CPPED1: variants seen among roughly 807,000 people sequenced by gnomAD.
The protein encoded by CPPED1 is serine/threonine-protein phosphatase CPPED1.
Under a neutral mutation model 28.0 loss-of-function variants are expected in CPPED1, and 28 were observed. The observed-to-expected ratio is 1.00, with a 90% CI of 0.74 to 1.37. The LOEUF is 1.37. CPPED1 is among the 40% of genes most tolerant of loss of function. The pLI is 0.00. For missense variants in CPPED1, 504 were observed against 416.5 expected, an observed-to-expected ratio of 1.21 and a Z score of -1.83; for synonymous variants, 198 against 180.2, an observed-to-expected ratio of 1.10 and a Z score of -0.79.
At chr16:12,728,837 C>T (rs916686001) in intron 2 of CPPED1, among the ~76,000 whole-genome samples, 6 of 152,180 alleles carry the variant, frequency 3.9e-5, no homozygotes, top group African/African-American at 7.2e-5. Flanking sequence ...CCCAGGAGTT[C>T]GAGCCCAGCT....
chr16:12,802,784 C>A (rs1412136698), intron 1 of CPPED1, among the ~76,000 whole-genome samples: 1 of 152,200 alleles, frequency 6.6e-6, no homozygotes, highest in Non-Finnish European at 1.5e-5. Context: ...AGGGAAAGAA[C>A]GGCCTTGGCC....
rs532605890 is a variant in CPPED1, at chr16:12,712,710, A to G, written c.290-7661T>C. ...GTGGGGGACAGTAAGTGAAAACAGG[A>G]AGTTATTAGAGCTAGTAGTACGACA... On this transcript the variant is annotated intron_variant, in intron 2 of 3. Transcript: ENST00000381774. Among the ~76,000 whole-genome samples, 3 of 152,252 alleles carry G rather than the reference A, an allele frequency of 2.0e-5. 1 individual carries two copies. The East Asian group carries it at 5.8e-4, about 29-fold the overall frequency.
rs140480522 is a variant in CPPED1 at position 12,693,008 on chromosome 16, G to A, written c.715+11616C>T. Among the ~76,000 whole-genome samples, 93 of 152,264 alleles carry A rather than the reference G, an allele frequency of 6.1e-4. 2 individuals are homozygous for A. The highest frequency in any genetic ancestry group is 6.8e-3 in the Middle Eastern group (2 of 294). ...AGCACAGTGCTTACAGAAGGGAGAC[G>A]TGTGAGGAAAAAAGATTTCCTTTCC... is the stretch of plus-strand genomic sequence containing the variant. On this transcript the variant is annotated intron_variant, in intron 3 of 3. Coordinates refer to ENST00000381774, the MANE Select transcript of CPPED1 (RefSeq NM_018340.3).
intron 2 of CPPED1, among the ~76,000 whole-genome samples, chr16:12,732,519 CAGAG>C (rs1363135250): frequency 7.5e-6 from 1 of 132,662 alleles, no homozygotes; most frequent in African/African-American, 2.9e-5. Flanking sequence ...GAGAGAGAGA[CAGAG>C]AGAGAGGATG....
intron 2 of CPPED1, among the ~76,000 whole-genome samples, chr16:12,770,970 C>A (rs1216396485): frequency 6.6e-6 from 1 of 151,976 alleles, no homozygotes; most frequent in Admixed American, 6.6e-5. Context: ...CCGAGGGAAG[C>A]ACTTAGGGGG....
chr16:12,792,176 C>G (rs572159662), intron 1 of CPPED1, among the ~76,000 whole-genome samples: 2 of 152,254 alleles, frequency 1.3e-5, no homozygotes, highest in East Asian at 3.9e-4. Context: ...TGGTCTCAAA[C>G]TCCTGACTTC....
In CPPED1 at chr16:12,662,435, T is replaced by C. The variant is rs1388563840; in HGVS notation, c.*2451A>G. ...ATAAGGCGTACAAGTGCAGTTTTGT[T>C]ACACGGATATATTGCGAAGTGGTGA... On this transcript the variant is annotated 3_prime_UTR_variant, in exon 4 of 4. Transcript: ENST00000381774. 5 of 152,212 alleles carry C rather than the reference T, an allele frequency of 3.3e-5. No homozygotes were observed. Among genetic ancestry groups the C allele is most frequent in the Non-Finnish European group, 5.9e-5 (4 of 68,030 alleles). The allele number at this position is 152,212 out of a possible 1,614,324, so 9.4% of individuals were successfully genotyped here. A position where few individuals can be genotyped will look rare whatever the true frequency, so the allele number is the denominator to read the frequency against.
intron 3 of CPPED1, among the ~76,000 whole-genome samples, chr16:12,687,354 C>A (rs1216182316): frequency 6.6e-6 from 1 of 152,058 alleles, no homozygotes; most frequent in Admixed American, 6.5e-5. Context: ...ACAATGATAT[C>A]CCAAGTCCCC....
chr16:12,683,568 C>T (rs72779025), intron 3 of CPPED1, among the ~76,000 whole-genome samples: 2,332 of 152,314 alleles, frequency 0.015, 36 homozygotes, highest in Middle Eastern at 0.031. Flanking sequence ...TCTTTTGCCC[C>T]AATGCACACC....
chr16:12,758,084 C>T (rs572257516), intron 2 of CPPED1, among the ~76,000 whole-genome samples: 14 of 152,154 alleles, frequency 9.2e-5, no homozygotes, highest in Non-Finnish European at 1.8e-4. Context: ...ATCTCCCATA[C>T]TTTTCCTTCC....
intron 3 of CPPED1, among the ~76,000 whole-genome samples, chr16:12,695,047 G>C (rs2141180906): frequency 6.6e-6 from 1 of 152,164 alleles, no homozygotes; most frequent in African/African-American, 2.4e-5. Context: ...CAAAGGACTG[G>C]TATTACAGGC....
intron 2 of CPPED1, among the ~76,000 whole-genome samples, chr16:12,717,348 G>C (rs117964481): frequency 0.034 from 5,144 of 152,204 alleles, 126 homozygotes; most frequent in East Asian, 0.1. Flanking sequence ...ACTGCAAGCT[G>C]CGCCTCCCAG....
intron 3 of CPPED1, among the ~76,000 whole-genome samples, chr16:12,687,966 G>GC (rs35213318): frequency 0.015 from 2,272 of 150,840 alleles, 50 homozygotes; most frequent in African/African-American, 0.051. Context: ...GAAGGAAGAA[G>GC]AAGGAGGAAT....
At chr16:12,756,017 G>C (rs920203832) in intron 2 of CPPED1, among the ~76,000 whole-genome samples, 3 of 152,094 alleles carry the variant, frequency 2.0e-5, no homozygotes, top group African/African-American at 7.2e-5. Flanking sequence ...TGTAGTCCCA[G>C]CTACTCGGGA....
chr16:12,803,421 C>G (rs2080672709), intron 1 of CPPED1, among the ~76,000 whole-genome samples: 1 of 152,246 alleles, frequency 6.6e-6, no homozygotes, highest in Admixed American at 6.5e-5. Flanking sequence ...AGAGTCCAAG[C>G]TGTCATTAAC....
At chr16:12,751,585 G>C (rs1433066910) in intron 2 of CPPED1, among the ~76,000 whole-genome samples, 2 of 152,174 alleles carry the variant, frequency 1.3e-5, no homozygotes, top group Non-Finnish European at 2.9e-5. Flanking sequence ...TGAAGGAGCA[G>C]AAAGCTAGGA....
intron 2 of CPPED1, among the ~76,000 whole-genome samples, chr16:12,734,151 C>T (rs1335998308): frequency 1.5e-5 from 2 of 135,982 alleles, no homozygotes; most frequent in Non-Finnish European, 3.0e-5. Flanking sequence ...GTCACTGCAA[C>T]CTCTGCTTCC....
chr16:12,800,451 T>TAAA (rs1596490781), intron 1 of CPPED1, among the ~76,000 whole-genome samples: 1 of 143,376 alleles, frequency 7.0e-6, no homozygotes, highest in Non-Finnish European at 1.5e-5. Context: ...AAAAAAAAAG[T>TAAA]AAACCATGGG....
At chr16:12,777,903 C>CTTTTTTTTTT (rs67527035) in intron 2 of CPPED1, among the ~76,000 whole-genome samples, 4 of 126,604 alleles carry the variant, frequency 3.2e-5, no homozygotes, top group South Asian at 2.5e-4. Flanking sequence ...TTTCTATTTT[C>CTTTTTTTTTT]TTTTTTTTTT....
Sources: gnomAD v4.1 joint callset for allele counts (sites outside exome capture counted in the v4.1 genomes callset) on GRCh38, gnomAD v4.1.1 for gene constraint, MANE v1.5 for transcripts, NCBI Gene and HGNC (gene_info 2026-07-23, HGNC 2026-07-21) for gene names.